The following RYR2 variants were observed in gnomAD, a reference collection of about 807,000 sequenced individuals.
RYR2 encodes ryanodine receptor 2, also known as cardiac muscle ryanodine receptor-calcium release channel.
In RYR2, 227 loss-of-function variants were observed where a neutral mutation model predicts 601.1. The observed-to-expected ratio is 0.38, with a 90% CI of 0.34 to 0.42. The LOEUF (loss-of-function observed/expected upper bound fraction) is 0.42, where lower values mean the gene tolerates loss of function less well. RYR2 is among the 10% of genes least tolerant of loss of function. RYR2 has a pLI of 1.00. For missense variants in RYR2, 4,646 were observed against 6,156.5 expected, an observed-to-expected ratio of 0.75 and a Z score of 8.21; for synonymous variants, 2,223 against 2,175.1, an observed-to-expected ratio of 1.02 and a Z score of -0.61.
intron 1 of RYR2, among the ~76,000 whole-genome samples, chr1:237,255,661 C>T (rs1159942322): frequency 6.6e-6 from 1 of 152,106 alleles, no homozygotes; most frequent in Non-Finnish European, 1.5e-5. Flanking sequence ...AATCAAATTT[C>T]ACTAGACAAT....
At chr1:237,700,503 T>A (rs1381518005) in intron 65 of RYR2, 36 bp downstream of exon 65, 19 of 1,012,498 alleles carry the variant, frequency 1.9e-5, no homozygotes, top group Non-Finnish European at 2.7e-5. Context: ...TTTTTTTTTT[T>A]AATCGAAATA....
chr1:237,547,733 G>A (rs1295730034), intron 25 of RYR2, among the ~76,000 whole-genome samples: 1 of 152,144 alleles, frequency 6.6e-6, no homozygotes, highest in East Asian at 1.9e-4. Context: ...TTCTTCCAAC[G>A]ATTACAACTT....
intron 92 of RYR2, among the ~76,000 whole-genome samples, chr1:237,790,314 G>A (rs530562969): frequency 6.6e-6 from 1 of 151,986 alleles, no homozygotes; most frequent in South Asian, 2.1e-4. Flanking sequence ...ATTCTCAGTT[G>A]TTCCAAATAC....
intron 41 of RYR2, among the ~76,000 whole-genome samples, chr1:237,629,551 C>G (rs908794026): frequency 4.0e-5 from 6 of 151,492 alleles, no homozygotes; most frequent in Admixed American, 2.6e-4. Context: ...GAAAAAAAAG[C>G]TGATGTAGTT....
intron 25 of RYR2, among the ~76,000 whole-genome samples, chr1:237,531,259 A>C (rs1364239805): frequency 6.6e-6 from 1 of 152,198 alleles, no homozygotes; most frequent in East Asian, 1.9e-4. Flanking sequence ...TAGATGCTGT[A>C]GTACTGGTTT....
At chr1:237,409,868 T>C (rs1021480087) in intron 10 of RYR2, among the ~76,000 whole-genome samples, 2 of 152,188 alleles carry the variant, frequency 1.3e-5, no homozygotes, top group Non-Finnish European at 2.9e-5. Context: ...TCTCTACTTT[T>C]AACATATGTA....
At chr1:237,216,164 A>G (rs1017587054) in intron 1 of RYR2, among the ~76,000 whole-genome samples, 1 of 152,194 alleles carries the variant, frequency 6.6e-6, no homozygotes, top group South Asian at 2.1e-4. Context: ...AGGACCTTCA[A>G]CTTAACTTTA....
At chr1:237,635,501 C>T (rs949064771) in intron 44 of RYR2, among the ~76,000 whole-genome samples, 9 of 152,112 alleles carry the variant, frequency 5.9e-5, no homozygotes, top group Non-Finnish European at 1.0e-4. Context: ...ATAGTAAAGC[C>T]GTGCACTCTA....
intron 1 of RYR2, among the ~76,000 whole-genome samples, chr1:237,191,473 G>T (rs1679960098): frequency 6.7e-6 from 1 of 149,714 alleles, no homozygotes; most frequent in Admixed American, 6.7e-5. Flanking sequence ...GATAGGAATT[G>T]CATTGAGTCT....
At chr1:237,061,282 TCTATC>T (rs1240769785) in intron 1 of RYR2, among the ~76,000 whole-genome samples, 1 of 26,438 alleles carries the variant, frequency 3.8e-5, no homozygotes, top group Non-Finnish European at 1.2e-4. Context: ...CTATCATCTA[TCTATC>T]TATCTATCTA....
At chr1:237,125,638 G>A (rs115060574) in intron 1 of RYR2, among the ~76,000 whole-genome samples, 1,574 of 152,242 alleles carry the variant, frequency 0.01, 16 homozygotes, top group South Asian at 0.032. Context: ...TTCCTCAAAT[G>A]CGTTCTAAAT....
rs187805849 is a variant in RYR2 at position 237,620,459 on chromosome 1, C to A, written c.5916+2973C>A. Reference sequence around the variant, plus strand: ...ACGGAACCACAGGTGAAATGACAGACTGAAGTCATAGCATATCAATAATCT... The same window carrying A: ...ACGGAACCACAGGTGAAATGACAGAATGAAGTCATAGCATATCAATAATCT... On this transcript the variant is annotated intron_variant, in intron 38 of 104. Transcript: ENST00000366574. 6.4e-4 allele frequency among the ~76,000 whole-genome samples: 98 copies of A among 152,160 alleles called. 1 individual carries two copies. The Middle Eastern group carries it at 0.024, about 37-fold the overall frequency.
intron 47 of RYR2, among the ~76,000 whole-genome samples, chr1:237,641,312 T>C (rs1681448274): frequency 1.3e-5 from 2 of 152,208 alleles, no homozygotes; most frequent in African/African-American, 4.8e-5. Context: ...TTTCCTCTTA[T>C]GTTACAGTGC....
At chr1:237,295,016 C>T (rs1433096039) in intron 2 of RYR2, among the ~76,000 whole-genome samples, 1 of 152,016 alleles carries the variant, frequency 6.6e-6, no homozygotes, top group Non-Finnish European at 1.5e-5. Context: ...GAGTTCAATA[C>T]CAGCCTGGGT....
Position 237,634,902 on chromosome 1 carries a change from GAGAGGTTCAAC to G in RYR2, c.6704_6714del (p.Arg2235ThrfsTer12). 6.2e-7 allele frequency: 1 copy of G among 1,607,712 alleles called. No homozygotes were observed. Among genetic ancestry groups the G allele is most frequent in the Non-Finnish European group, 8.5e-7 (1 of 1,176,998 alleles). On this transcript the variant is annotated frameshift_variant, in exon 44 of 105. Coordinates refer to ENST00000366574, the MANE Select transcript of RYR2 (RefSeq NM_001035.3). LOFTEE classifies it high-confidence loss of function. ...TTGAATTAATAGCCTCCCCAGCTAT[GAGAGGTTCAAC>G]ACCACTGGATGTGGCTGCAGCTTCG...
intron 1 of RYR2, among the ~76,000 whole-genome samples, chr1:237,049,832 A>G (rs570332211): frequency 2.0e-5 from 3 of 152,270 alleles, no homozygotes; most frequent in African/African-American, 7.2e-5. Flanking sequence ...TTAGTAACTG[A>G]ACTCCTAGTG....
At chr1:237,764,982 C>T (rs1057415904) in intron 84 of RYR2, among the ~76,000 whole-genome samples, 1 of 151,244 alleles carries the variant, frequency 6.6e-6, no homozygotes, top group African/African-American at 2.4e-5. Flanking sequence ...GCAAGTTTGA[C>T]CTCTGTCTCC....
chr1:237,719,394 G>C (rs572876702), intron 73 of RYR2, among the ~76,000 whole-genome samples: 68 of 152,258 alleles, frequency 4.5e-4, no homozygotes, highest in African/African-American at 1.5e-3. Flanking sequence ...AAGAAAAGAG[G>C]TTTAATTGAT....
chr1:237,230,254 T>A (rs1684840136), intron 1 of RYR2, among the ~76,000 whole-genome samples: 1 of 152,210 alleles, frequency 6.6e-6, no homozygotes, highest in Admixed American at 6.5e-5. Flanking sequence ...TCAATTTCTT[T>A]AAAAATAAAT....
Sources: allele counts gnomAD v4.1 joint callset (sites outside exome capture counted in the v4.1 genomes callset), GRCh38; gene constraint gnomAD v4.1.1; transcripts MANE v1.5; gene names NCBI Gene and HGNC (gene_info 2026-07-23, HGNC 2026-07-21).